The following MCM6 variants were observed in gnomAD, a reference collection of about 807,000 sequenced individuals.
MCM6 encodes minichromosome maintenance complex component 6.
Under a neutral mutation model 94.3 loss-of-function variants are expected in MCM6, and 46 were observed. That is an observed-to-expected ratio of 0.49 (90% CI 0.39 to 0.62). MCM6 has a LOEUF of 0.62. MCM6 is among the 20% of genes least tolerant of loss of function. The probability of loss-of-function intolerance (pLI) is 0.00; values close to 1 mark genes in which losing one functional copy is unlikely to be tolerated. For synonymous variants in MCM6, 335 were observed against 351.9 expected, an observed-to-expected ratio of 0.95 and a Z score of 0.54; for missense variants, 865 against 1,017.9, an observed-to-expected ratio of 0.85 and a Z score of 2.04.
intron 11 of MCM6, among the ~76,000 whole-genome samples, chr2:135,853,259 C>T (rs988763916): frequency 1.3e-5 from 2 of 152,016 alleles, no homozygotes; most frequent in African/African-American, 2.4e-5. Flanking sequence ...CCAGTCAGGG[C>T]GACAAACTGA....
In MCM6 at chr2:135,855,576, G is replaced by A. The variant is rs4988221; in HGVS notation, c.1626+1152C>T. 7.7e-3 allele frequency among the ~76,000 whole-genome samples: 1,179 copies of A among 152,300 alleles called. 10 individuals carry two copies. The highest frequency in any genetic ancestry group is 0.025 in the African/African-American group (1,043 of 41,558). On this transcript the variant is annotated intron_variant, in intron 11 of 16. Coordinates refer to ENST00000264156, the MANE Select transcript of MCM6 (RefSeq NM_005915.6). Reference sequence around the variant, plus strand: ...AGCTACTTGGGAGGCTGAGGCAGGAGGATCACTGGAACCCAGGAGATTGAG... The same window carrying A: ...AGCTACTTGGGAGGCTGAGGCAGGAAGATCACTGGAACCCAGGAGATTGAG...
chr2:135,876,225 A>T (rs2105596289), intron 1 of MCM6, 34 bp downstream of exon 1: 1 of 1,527,048 alleles, frequency 6.5e-7, no homozygotes, highest in South Asian at 1.2e-5. Context: ...CAGGCTCCGG[A>T]GGCGGGCGAG....
chr2:135,863,529 C>T (rs561368940), intron 7 of MCM6, among the ~76,000 whole-genome samples: 1 of 152,022 alleles, frequency 6.6e-6, no homozygotes, highest in African/African-American at 2.4e-5. Flanking sequence ...GGTTTGAGAC[C>T]AGCCCAGGCA....
chr2:135,872,606 T>C, intron 2 of MCM6, 91 bp downstream of exon 2: 1 of 1,326,920 alleles, frequency 7.5e-7, no homozygotes, highest in Non-Finnish European at 1.1e-6. Flanking sequence ...GCTGACCTTC[T>C]GCTACACAAG....
intron 11 of MCM6, among the ~76,000 whole-genome samples, chr2:135,855,295 G>A (rs1403053557): frequency 6.6e-6 from 1 of 152,182 alleles, no homozygotes; most frequent in African/African-American, 2.4e-5. Context: ...ATAAATGTAT[G>A]AAAATCAGAC....
intron 13 of MCM6, 21 bp from the exon 14 acceptor site, chr2:135,848,209 T>G: frequency 6.4e-7 from 1 of 1,572,324 alleles, no homozygotes; most frequent in Middle Eastern, 1.7e-4. Context: ...AATGATGAAG[T>G]AATTAAGCTA....
chr2:135,867,764 A>G (rs1210687385), intron 4 of MCM6, among the ~76,000 whole-genome samples: 1 of 152,144 alleles, frequency 6.6e-6, no homozygotes, highest in Non-Finnish European at 1.5e-5. Flanking sequence ...GCAGTGGCTC[A>G]CGCCTGTATC....
In MCM6 at chr2:135,846,928, C is replaced by T. The variant is rs907694629; in HGVS notation, c.2054-536G>A. 7.9e-5 allele frequency among the ~76,000 whole-genome samples: 12 copies of T among 151,568 alleles called. 1 individual carries two copies. The South Asian group carries it at 1.5e-3, about 18-fold the overall frequency. On this transcript the variant is annotated intron_variant, in intron 14 of 16. Coordinates refer to ENST00000264156, the MANE Select transcript of MCM6 (RefSeq NM_005915.6). ...CTGAGGCAGGAGAATTGCTTGAACC[C>T]GGGAGGCAAAGGTTGCAGTGAGATG...
intron 2 of MCM6, among the ~76,000 whole-genome samples, chr2:135,872,211 C>A (rs1680212850): frequency 6.6e-6 from 1 of 152,070 alleles, no homozygotes; most frequent in South Asian, 2.1e-4. Flanking sequence ...TTTGGGAGGC[C>A]GAGGCGGGCG....
intron 1 of MCM6, among the ~76,000 whole-genome samples, chr2:135,875,141 G>T (rs1469659607): frequency 6.6e-6 from 1 of 152,176 alleles, no homozygotes; most frequent in South Asian, 2.1e-4. Flanking sequence ...CCAGGCGGGG[G>T]GATCACCTGA....
intron 1 of MCM6, among the ~76,000 whole-genome samples, 188 bp from the exon 2 acceptor site, chr2:135,873,031 A>C (rs1381261718): frequency 6.6e-6 from 1 of 152,102 alleles, no homozygotes; most frequent in Non-Finnish European, 1.5e-5. Flanking sequence ...CCAAATCTCG[A>C]CTTGAATTTC....
At chr2:135,866,462 T>C in intron 5 of MCM6, 101 bp downstream of exon 5, 1 of 1,446,830 alleles carries the variant, frequency 6.9e-7, no homozygotes, top group Non-Finnish European at 9.4e-7. Flanking sequence ...CCTCAGCTTC[T>C]GATTGGTAGC....
intron 7 of MCM6, 122 bp downstream of exon 7, chr2:135,864,891 C>T (rs967109425): frequency 1.6e-6 from 1 of 618,902 alleles, no homozygotes; most frequent in African/African-American, 1.9e-5. Context: ...TTGTAAATGA[C>T]CTCTTTCAGA....
chr2:135,852,814 A>G lies in MCM6; in HGVS notation c.1728T>C (p.Leu576=), dbSNP rs772581530. 2 of 1,605,276 alleles carry G rather than the reference A, an allele frequency of 1.2e-6. No homozygotes were observed. The highest frequency in any genetic ancestry group is 1.7e-6 in the Non-Finnish European group (2 of 1,176,614). The change falls in exon 12 of 17, where the codon CTT becomes CTC. Residue 576 remains leucine, a synonymous_variant. Coordinates refer to ENST00000264156, the MANE Select transcript of MCM6 (RefSeq NM_005915.6). ...VYSLDDIRRY[L]LFARQFKPKI... is the part of the protein sequence containing the mutation. ...TGGGTTTAAACTGTCTTGCAAAGAG[A>G]AGATATCTTCTGATATCATCGAGGG...
chr2:135,856,774 A>G lies in MCM6; in HGVS notation c.1580T>C (p.Met527Thr), dbSNP rs749963459. The G allele has an allele frequency of 1.9e-6, 3 of 1,614,134 alleles. No homozygotes were observed. The highest frequency in any genetic ancestry group is 3.3e-5 in the Admixed American group (2 of 60,004). The change falls in exon 11 of 17, where the codon ATG becomes ACG. Residue 527 changes from methionine (M) to threonine (T), a missense_variant. Transcript: ENST00000264156. The part of the protein sequence containing the change: ...KQNINLSAPI[M>T]SRFDLFFILV... ...GATAAAGAAGAGATCGAATCGGGAC[A>G]TGATGGGAGCTGACAAATTTATATT...
intron 12 of MCM6, 122 bp downstream of exon 12, chr2:135,852,665 A>AT: frequency 3.0e-6 from 2 of 669,942 alleles, no homozygotes; most frequent in African/African-American, 1.9e-5. Context: ...AAAAAAAAAA[A>AT]GTTGTAAAAT....
At position 135,856,863 on chromosome 2, in the gene MCM6, C is replaced by T. The variant is rs749435980; in HGVS notation, c.1491G>A (p.Thr497=). ...AGVKATLNAR[T]SILAAANPIS... is the part of the protein sequence containing the mutation. ...TTGGGTTTGCTGCTGCCAAAATGGA[C>T]GTCCGGGCGTTCAGAGTAGCCTGAC... Residue 497 remains threonine (T), a synonymous_variant, in exon 11 of 17, where the codon ACG becomes ACA. Transcript: ENST00000264156. The T allele has an allele frequency of 1.5e-5, 25 of 1,613,740 alleles. No individual in the cohort carries two copies. The highest frequency in any genetic ancestry group is 1.4e-5 in the Non-Finnish European group (16 of 1,179,900).
intron 13 of MCM6, among the ~76,000 whole-genome samples, chr2:135,850,896 C>A (rs4954492): frequency 0.98 from 149,507 of 152,318 alleles, 73,424 homozygotes; most frequent in East Asian, 1. Context: ...ACTAGGAAAA[C>A]GCAGGGCTGC....
At chr2:135,843,967 C>T (rs1350125229) in intron 16 of MCM6, among the ~76,000 whole-genome samples, 4 of 151,782 alleles carry the variant, frequency 2.6e-5, no homozygotes, top group African/African-American at 4.8e-5. Flanking sequence ...AGAACTGACC[C>T]GGGAAAAGGA....
Sources: allele counts gnomAD v4.1 joint callset (sites outside exome capture counted in the v4.1 genomes callset), GRCh38; gene constraint gnomAD v4.1.1; transcripts MANE v1.5; gene names NCBI Gene and HGNC (gene_info 2026-07-23, HGNC 2026-07-21).